GDAP1: variants seen among roughly 807,000 people sequenced by gnomAD.
The protein encoded by GDAP1 is ganglioside-induced differentiation-associated protein 1.
In GDAP1, 34 loss-of-function variants were observed where a neutral mutation model predicts 40.1. The observed-to-expected ratio is 0.85, with a 90% CI of 0.64 to 1.13. The LOEUF is 1.13. Ranked by LOEUF, GDAP1 falls within the 50% of genes most tolerant of loss-of-function variation. GDAP1 has a pLI of 0.00. For missense variants in GDAP1, 374 were observed against 433.7 expected (o/e 0.86, Z 1.22); for synonymous variants, 170 against 157.4 (o/e 1.08, Z -0.60).
chr8:74,407,980 A>G (rs1431777492), intron 2 of GDAP1, among the ~76,000 whole-genome samples: 2 of 149,940 alleles, frequency 1.3e-5, no homozygotes, highest in Non-Finnish European at 1.5e-5. Flanking sequence ...AAAATTTTCT[A>G]TTTCTTTCCT....
At chr8:74,369,636 C>CAT (rs58023590), downstream of GDAP1, among the ~76,000 whole-genome samples, 4,429 of 149,792 alleles carry the variant, frequency 0.03, 209 homozygotes, top group African/African-American at 0.1. Context: ...TGTGTGTGTG[C>CAT]ATATATATAT....
intron 2 of GDAP1, among the ~76,000 whole-genome samples, chr8:74,486,295 T>C (rs931003370): frequency 6.6e-6 from 1 of 152,220 alleles, no homozygotes; most frequent in Non-Finnish European, 1.5e-5. Flanking sequence ...GTTTTTCTTA[T>C]GTTCTAATGC....
intron 2 of GDAP1, among the ~76,000 whole-genome samples, chr8:74,461,036 C>T (rs1806394534): frequency 6.6e-6 from 1 of 152,152 alleles, no homozygotes; most frequent in Non-Finnish European, 1.5e-5. Context: ...CATCTTCTGC[C>T]AGCACTTGGA....
intron 2 of GDAP1, among the ~76,000 whole-genome samples, chr8:74,475,293 C>G (rs985150755): frequency 2.6e-5 from 4 of 151,550 alleles, no homozygotes; most frequent in Admixed American, 1.3e-4. Context: ...TTTGGTTAAG[C>G]TCTGATTTTG....
At chr8:74,361,805 T>G (rs1809377343) in intron 3 of GDAP1, 79 bp from the exon 4 acceptor site, 1 of 851,952 alleles carries the variant, frequency 1.2e-6, no homozygotes, top group Non-Finnish European at 2.0e-6. Flanking sequence ...CTCTTGTCAT[T>G]GAGTTTCTCT....
chr8:74,488,505 G>A (rs576886837), intron 2 of GDAP1, among the ~76,000 whole-genome samples: 8 of 152,114 alleles, frequency 5.3e-5, no homozygotes, highest in Non-Finnish European at 1.2e-4. Context: ...GGTTTCTAAT[G>A]GTGATTGTTA....
chr8:74,362,784 C>CTTTTT (rs1284434868), intron 4 of GDAP1, among the ~76,000 whole-genome samples, 155 bp from the exon 5 acceptor site: 48 of 60,428 alleles, frequency 7.9e-4, no homozygotes, highest in Non-Finnish European at 8.9e-4. Flanking sequence ...CTCTCTCTCT[C>CTTTTT]TTTTTTTTTT....
intron 2 of GDAP1, among the ~76,000 whole-genome samples, chr8:74,467,870 CTA>C (rs1806493807): frequency 6.6e-6 from 1 of 152,000 alleles, no homozygotes; most frequent in African/African-American, 2.4e-5. Context: ...AATAATTTTT[CTA>C]TGTTTTCTTC....
intron 2 of GDAP1, among the ~76,000 whole-genome samples, chr8:74,462,739 G>A (rs1806415985): frequency 1.3e-5 from 2 of 152,054 alleles, no homozygotes; most frequent in South Asian, 2.1e-4. Flanking sequence ...TAAGAAGAGG[G>A]TAAAACAAAA....
At chr8:74,356,659 A>T (rs866947784) in intron 2 of GDAP1, among the ~76,000 whole-genome samples, 7 of 122,958 alleles carry the variant, frequency 5.7e-5, no homozygotes, top group Non-Finnish European at 1.0e-4. Flanking sequence ...AATATTATTT[A>T]GTGTGTGTGT....
intron 2 of GDAP1, among the ~76,000 whole-genome samples, chr8:74,377,987 C>CA (rs1182608436): frequency 6.6e-6 from 1 of 152,094 alleles, no homozygotes; most frequent in Non-Finnish European, 1.5e-5. Flanking sequence ...AGATGAATTT[C>CA]AAAAAACATG....
chr8:74,395,294 G>C (rs2131545183), intron 2 of GDAP1, among the ~76,000 whole-genome samples: 1 of 152,198 alleles, frequency 6.6e-6, no homozygotes, highest in South Asian at 2.1e-4. Context: ...TCAGGGACCT[G>C]GTCCTGTCCA....
chr8:74,423,682 T>C (rs764622536), intron 2 of GDAP1, among the ~76,000 whole-genome samples: 31 of 152,014 alleles, frequency 2.0e-4, no homozygotes, highest in Admixed American at 5.9e-4. Context: ...TCTAGAGCAG[T>C]ATGCTTATCC....
chr8:74,442,795 C>T (rs1806178662), intron 2 of GDAP1, among the ~76,000 whole-genome samples: 1 of 152,152 alleles, frequency 6.6e-6, no homozygotes, highest in Admixed American at 6.5e-5. Context: ...TGCATACAAA[C>T]ACATGGAGTC....
intron 2 of GDAP1, among the ~76,000 whole-genome samples, chr8:74,419,544 G>A (rs1586828986): frequency 6.6e-6 from 1 of 152,108 alleles, no homozygotes; most frequent in East Asian, 1.9e-4. Context: ...TCATTGAGTT[G>A]TAAGAGTTTA....
chr8:74,453,751 A>G (rs1259213551), intron 2 of GDAP1, among the ~76,000 whole-genome samples: 1 of 83,216 alleles, frequency 1.2e-5, no homozygotes, highest in Non-Finnish European at 2.4e-5. Context: ...TTACCCATCT[A>G]TAGAATGAAA....
Position 74,356,686 on chromosome 8 carries a change from G to T in GDAP1, c.311-3451G>T, listed in dbSNP as rs1203671800. ...TGTGTGTGTGTGTGTGTGTGTGTGT[G>T]TGTGTTTGTGTGTGTGTATATATAT... On this transcript the variant is annotated intron_variant, in intron 2 of 5. Transcript: ENST00000220822. Among the ~76,000 whole-genome samples the T allele has an allele frequency of 5.8e-4, 77 of 132,612 alleles. 1 individual carries two copies. The highest frequency in any genetic ancestry group is 2.0e-3 in the African/African-American group (69 of 34,598). The allele number at this position is 132,612 out of a possible 152,430, so 87.0% of individuals were successfully genotyped here.
At chr8:74,404,934 C>T (rs527696813) in intron 2 of GDAP1, among the ~76,000 whole-genome samples, 2 of 150,012 alleles carry the variant, frequency 1.3e-5, no homozygotes, top group East Asian at 1.9e-4. Context: ...CATGCATATC[C>T]TCCTGTATAC....
intron 2 of GDAP1, among the ~76,000 whole-genome samples, chr8:74,403,122 C>G (rs768777320): frequency 6.7e-6 from 1 of 149,974 alleles, no homozygotes; most frequent in Non-Finnish European, 1.5e-5. Context: ...TTTTATATCT[C>G]GCAGTGATGG....
Sources: gnomAD v4.1 joint callset for allele counts (sites outside exome capture counted in the v4.1 genomes callset) on GRCh38, gnomAD v4.1.1 for gene constraint, MANE v1.5 for transcripts, NCBI Gene and HGNC (gene_info 2026-07-23, HGNC 2026-07-21) for gene names.